Variants in DLEC1 observed in about 807,000 individuals in gnomAD.
DLEC1 encodes DLEC1 cilia and flagella associated protein, also known as deleted in lung and esophageal cancer protein 1.
Under a neutral mutation model 198.1 loss-of-function variants are expected in DLEC1, and 146 were observed. The observed-to-expected ratio is 0.74, with a 90% CI of 0.64 to 0.85. DLEC1 has a LOEUF of 0.85. DLEC1 is among the 40% of genes least tolerant of loss of function. The pLI, the probability that DLEC1 is intolerant of heterozygous loss-of-function variation, is 0.00. For missense variants in DLEC1, 2,233 were observed against 2,220.0 expected (o/e 1.01, Z -0.12); for synonymous variants, 897 against 866.8 (o/e 1.03, Z -0.61).
At chr3:38,079,027 T>C (rs1697800116) in intron 6 of DLEC1, among the ~76,000 whole-genome samples, 1 of 152,138 alleles carries the variant, frequency 6.6e-6, no homozygotes, top group Admixed American at 6.5e-5. Flanking sequence ...ATATTGGCAT[T>C]GAGCGGGGTA....
intron 1 of DLEC1, among the ~76,000 whole-genome samples, chr3:38,044,311 C>T (rs985275127): frequency 1.1e-4 from 16 of 152,074 alleles, no homozygotes; most frequent in African/African-American, 2.4e-4. Context: ...GCAATCCCAG[C>T]GCTTTGGGAG....
Position 38,122,765 on chromosome 3 carries a change from G to A in DLEC1, c.*353G>A, listed in dbSNP as rs1421838115. 9.7e-6 allele frequency: 12 copies of A among 1,240,470 alleles called. No individual in the cohort carries two copies. The East Asian group carries it at 3.0e-4, about 31-fold the overall frequency. The allele number at this position is 1,240,470 out of a possible 1,614,324, so 76.8% of individuals were successfully genotyped here. A position where few individuals can be genotyped will look rare whatever the true frequency, so the allele number is the denominator to read the frequency against. ...CATTGCACTTCTCATCCATGGATTTGCCTTGCCTTAAGAATTAACCATGGC... is the reference window on the plus strand; with the variant it reads ...CATTGCACTTCTCATCCATGGATTTACCTTGCCTTAAGAATTAACCATGGC... On this transcript the variant is annotated 3_prime_UTR_variant, in exon 37 of 37. Transcript: ENST00000308059.
chr3:38,096,076 G>C, intron 14 of DLEC1, 130 bp downstream of exon 14: 1 of 1,136,528 alleles, frequency 8.8e-7, no homozygotes, highest in Non-Finnish European at 1.3e-6. Flanking sequence ...GGGAGTGAGA[G>C]CATTTTTTTT....
intron 34 of DLEC1, among the ~76,000 whole-genome samples, chr3:38,120,836 G>A (rs1700413663): frequency 6.6e-6 from 1 of 152,202 alleles, no homozygotes; most frequent in Non-Finnish European, 1.5e-5. Flanking sequence ...CCAGAGTGTG[G>A]GAAATCAGGG....
chr3:38,084,169 G>T lies in DLEC1; in HGVS notation c.1185G>T (p.Ala395=). Reference sequence around the variant, plus strand: ...TTACCTTTCAACAGATGGTAATTGCGCTGCAGAACACCACCACGACCAGCC... The same window carrying T: ...TTACCTTTCAACAGATGGTAATTGCTCTGCAGAACACCACCACGACCAGCC... The part of the protein sequence containing the change: ...EIGPVYEMVI[A]LQNTTTTSRY... Residue 395 remains alanine (A), a synonymous_variant, in exon 7 of 37, where the codon GCG becomes GCT. Transcript: ENST00000308059. 3 of 1,612,808 alleles carry T rather than the reference G, an allele frequency of 1.9e-6. No homozygotes were observed. Among genetic ancestry groups the T allele is most frequent in the Non-Finnish European group, 2.5e-6 (3 of 1,179,078 alleles).
At chr3:38,056,959 A>C (rs1431231301) in intron 2 of DLEC1, among the ~76,000 whole-genome samples, 1 of 152,222 alleles carries the variant, frequency 6.6e-6, no homozygotes, top group Admixed American at 6.5e-5. Flanking sequence ...CAGAATGATG[A>C]TGATGATGTC....
At chr3:38,097,118 C>A in intron 15 of DLEC1, 64 bp from the exon 16 acceptor site, 1 of 1,405,434 alleles carries the variant, frequency 7.1e-7, no homozygotes, top group South Asian at 1.3e-5. Context: ...TACAGTCCTT[C>A]AGCAGGTACA....
chr3:38,064,007 C>CTTTTTTTTTTTTTTTTTTTGT (rs71094947), intron 6 of DLEC1, 88 bp downstream of exon 6: 3 of 417,584 alleles, frequency 7.2e-6, no homozygotes, highest in Admixed American at 5.5e-5. Context: ...TTTTTTTTTT[C>CTTTTTTTTTTTTTTTTTTTGT]TTTTTTTTTT....
rs780200283 is a variant in DLEC1, at chr3:38,039,546, G to C, written c.321G>C (p.Glu107Asp). The C allele has an allele frequency of 9.9e-6, 16 of 1,613,890 alleles. No individual in the cohort carries two copies. The highest frequency in any genetic ancestry group is 2.2e-5 in the South Asian group (2 of 91,092). Reference sequence around the variant, plus strand: ...TCTTCCGCAACTTGTACTCAGCCGAGGTCATCGGCGACGAAGTGAGCGCAA... The same window carrying C: ...TCTTCCGCAACTTGTACTCAGCCGACGTCATCGGCGACGAAGTGAGCGCAA... ...TGVFRNLYSAEVIGDEVSASL... is the reference protein window; with the variant it reads ...TGVFRNLYSADVIGDEVSASL... The change falls in exon 1 of 37, where the codon GAG (glutamate) becomes GAC (aspartate). Residue 107 changes from glutamate to aspartate, a missense_variant. Physicochemically the swap from Glu to Asp is conservative, Grantham distance 45. Transcript: ENST00000308059.
At chr3:38,119,891 C>T (rs1426973728) in intron 33 of DLEC1, among the ~76,000 whole-genome samples, 3 of 152,220 alleles carry the variant, frequency 2.0e-5, no homozygotes, top group Non-Finnish European at 2.9e-5. Context: ...CACCTCCAGA[C>T]ATGTGAAGGT....
chr3:38,097,285 G>A lies in DLEC1; in HGVS notation c.2434+10G>A, dbSNP rs1699077317. The A allele has an allele frequency of 1.9e-6, 3 of 1,570,542 alleles. No individual in the cohort carries two copies. The highest frequency in any genetic ancestry group is 1.7e-6 in the Non-Finnish European group (2 of 1,156,708). On this transcript the variant is annotated intron_variant, in intron 16 of 36. Transcript: ENST00000308059. ...GGCACAGGGGTCATAGGTACCTTGG[G>A]GACTGCAGGAGGGGTTGTGACCTGC...
At position 38,086,500 on chromosome 3, in the gene DLEC1, C is replaced by G. The variant is rs550929471; in HGVS notation, c.1572+123C>G. ...CACAGAACGCAGAGTGTTGTAAACT[C>G]TCTATGCAACTGCCACAACCCGAAT... On this transcript the variant is annotated intron_variant, in intron 9 of 36. Coordinates refer to ENST00000308059, the MANE Select transcript of DLEC1 (RefSeq NM_007335.4). The G allele has an allele frequency of 1.7e-5, 22 of 1,306,324 alleles. No homozygotes were observed. In the East Asian group the frequency reaches 5.1e-4, roughly 30 times the overall value. 80.9% of individuals were successfully genotyped at this position (1,306,324 alleles called of 1,614,324 possible).
At chr3:38,074,417 C>T (rs1697492856) in intron 6 of DLEC1, among the ~76,000 whole-genome samples, 1 of 152,210 alleles carries the variant, frequency 6.6e-6, no homozygotes, top group African/African-American at 2.4e-5. Context: ...ATAAGGCGGC[C>T]TTCTGGCCCC....
At chr3:38,070,298 CAGTA>C (rs1697246280) in intron 6 of DLEC1, among the ~76,000 whole-genome samples, 1 of 152,248 alleles carries the variant, frequency 6.6e-6, no homozygotes, top group Admixed American at 6.5e-5. Context: ...TTGAGGAAGA[CAGTA>C]AGTAAGAGGT....
At position 38,088,295 on chromosome 3, in the gene DLEC1, G is replaced by A; in HGVS notation, c.1573-1G>A. On this transcript the variant is annotated splice_acceptor_variant, in intron 9 of 36. Coordinates refer to ENST00000308059, the MANE Select transcript of DLEC1 (RefSeq NM_007335.4). LOFTEE classifies it high-confidence loss of function. ...TGTTGGGTAATCTGCTTTTCTTTAA[G>A]GCCATTGCAACCGTCGGCTTTGTTG... 6.2e-7 allele frequency: 1 copy of A among 1,613,664 alleles called. No homozygotes were observed. The highest frequency in any genetic ancestry group is 8.5e-7 in the Non-Finnish European group (1 of 1,179,614).
Position 38,122,837 on chromosome 3 carries a change from G to A in DLEC1, c.*425G>A, listed in dbSNP as rs899939235. ...GCTGCTTTTATCTTGCACAGCTAAA[G>A]AGGGTCTGATGGGTGGCTCAACACC... is the stretch of plus-strand genomic sequence containing the variant. On this transcript the variant is annotated 3_prime_UTR_variant, in exon 37 of 37. Transcript: ENST00000308059. 1.2e-6 allele frequency: 1 copy of A among 823,098 alleles called. No individual in the cohort carries two copies. Among genetic ancestry groups the A allele is most frequent in the Non-Finnish European group, 1.8e-6 (1 of 542,964 alleles). The allele number at this position is 823,098 out of a possible 1,614,324, so 51.0% of individuals were successfully genotyped here.
At chr3:38,085,711 T>C (rs966578279) in intron 8 of DLEC1, among the ~76,000 whole-genome samples, 1 of 152,082 alleles carries the variant, frequency 6.6e-6, no homozygotes, top group Non-Finnish European at 1.5e-5. Flanking sequence ...AACCCCACCA[T>C]AGGTTTTGCT....
intron 25 of DLEC1, among the ~76,000 whole-genome samples, chr3:38,113,195 A>ATT (rs1216957595): frequency 6.6e-6 from 1 of 152,204 alleles, no homozygotes; most frequent in African/African-American, 2.4e-5. Flanking sequence ...GAAATGCAAA[A>ATT]TAAAAGAGCC....
chr3:38,085,210 T>G, intron 7 of DLEC1, 64 bp from the exon 8 acceptor site: 16 of 1,577,260 alleles, frequency 1.0e-5, no homozygotes, highest in Non-Finnish European at 1.3e-5. Context: ...CTGTACCAGC[T>G]GAGCTCAAGC....
Sources: gnomAD v4.1 joint callset for allele counts (sites outside exome capture counted in the v4.1 genomes callset) on GRCh38, gnomAD v4.1.1 for gene constraint, MANE v1.5 for transcripts, NCBI Gene and HGNC (gene_info 2026-07-23, HGNC 2026-07-21) for gene names.